The following FRY variants were observed in gnomAD, a reference collection of about 807,000 sequenced individuals.
The protein encoded by FRY is protein furry homolog.
FRY carries 128 observed loss-of-function variants against 348.4 expected under a neutral mutation model. The observed-to-expected ratio is 0.37, with a 90% CI of 0.32 to 0.43. The LOEUF (loss-of-function observed/expected upper bound fraction) is 0.43, where lower values mean the gene tolerates loss of function less well. Among genes scored for constraint, FRY ranks in the 20% least tolerant of loss-of-function variants. The pLI is 1.00. For missense variants in FRY, 2,736 were observed against 3,695.2 expected, an observed-to-expected ratio of 0.74 and a Z score of 6.73; for synonymous variants, 1,370 against 1,374.7, an observed-to-expected ratio of 1.00 and a Z score of 0.08.
At chr13:32,118,920 G>T (rs1490734666) in intron 4 of FRY, among the ~76,000 whole-genome samples, 4 of 152,110 alleles carry the variant, frequency 2.6e-5, no homozygotes, top group Non-Finnish European at 4.4e-5. Context: ...CAGGGGCAGG[G>T]AGTGGGACAG....
At position 32,239,495 on chromosome 13, in the gene FRY, G is replaced by A. The variant is rs1886391227; in HGVS notation, c.6516+146G>A. The A allele has an allele frequency of 7.0e-6, 5 of 718,072 alleles. No homozygotes were observed. Among genetic ancestry groups the A allele is most frequent in the Non-Finnish European group, 1.3e-5 (5 of 396,262 alleles). The allele number at this position is 718,072 out of a possible 1,614,324, so 44.5% of individuals were successfully genotyped here. A position where few individuals can be genotyped will look rare whatever the true frequency, so the allele number is the denominator to read the frequency against. ...AATATCACAGTAATGGAAATATAGGGGTGGCTGATGCAAATTGTCTTGCTT... is the reference window on the plus strand; with the variant it reads ...AATATCACAGTAATGGAAATATAGGAGTGGCTGATGCAAATTGTCTTGCTT... On this transcript the variant is annotated intron_variant, in intron 45 of 60. Transcript: ENST00000542859. This position sits in a 1 kb window ranked among gnomAD's most constrained non-coding sequence, Gnocchi z 4.3.
intron 2 of FRY, among the ~76,000 whole-genome samples, chr13:32,085,432 T>G (rs1355505332): frequency 1.3e-5 from 2 of 152,200 alleles, no homozygotes; most frequent in African/African-American, 2.4e-5. Context: ...ACAAAAGAGA[T>G]AAAGTTAAAG....
chr13:32,097,363 T>C (rs1462529078), intron 2 of FRY, among the ~76,000 whole-genome samples: 1 of 40,414 alleles, frequency 2.5e-5, no homozygotes, highest in Admixed American at 2.0e-4. Flanking sequence ...CTTTTTTTCC[T>C]TTTTTTTTTT....
intron 1 of FRY, among the ~76,000 whole-genome samples, chr13:32,050,340 G>A (rs891005017): frequency 1.3e-5 from 2 of 152,086 alleles, no homozygotes; most frequent in African/African-American, 4.8e-5. Context: ...AGAAAACAAA[G>A]GCATCATGAA....
chr13:32,160,276 C>G (rs1881364565), intron 16 of FRY, among the ~76,000 whole-genome samples: 2 of 152,042 alleles, frequency 1.3e-5, no homozygotes, highest in Admixed American at 1.3e-4. Flanking sequence ...TAATTTGGTA[C>G]TGATTCTATA....
At chr13:32,146,181 ATTT>A (rs11364929) in intron 11 of FRY, among the ~76,000 whole-genome samples, 51,677 of 146,888 alleles carry the variant, frequency 0.35, 9,070 homozygotes, top group East Asian at 0.48. Flanking sequence ...CCCTCCCACC[ATTT>A]TTTTTTTTTT....
At chr13:32,234,951 A>T (rs1432374217) in intron 42 of FRY, among the ~76,000 whole-genome samples, 190 bp downstream of exon 42, 1 of 152,180 alleles carries the variant, frequency 6.6e-6, no homozygotes, top group African/African-American at 2.4e-5. Context: ...TGTTCTAGAA[A>T]TTCAGTGGAT....
chr13:32,062,281 T>C (rs1047284012), intron 1 of FRY, among the ~76,000 whole-genome samples: 4 of 152,166 alleles, frequency 2.6e-5, no homozygotes, highest in South Asian at 2.1e-4. Context: ...ATAGGACTCA[T>C]ATGAAATGCT....
chr13:32,231,390 G>T, intron 41 of FRY, 90 bp downstream of exon 41: 1 of 1,295,440 alleles, frequency 7.7e-7, no homozygotes. Context: ...CCTTAAAACG[G>T]TCCTGCACTC....
chr13:32,263,815 T>G (rs535230213), intron 53 of FRY, among the ~76,000 whole-genome samples: 1 of 152,292 alleles, frequency 6.6e-6, no homozygotes, highest in East Asian at 1.9e-4. Context: ...AAGACCAGCC[T>G]GGCCAAGATG....
At chr13:32,097,656 C>T (rs986289974) in intron 2 of FRY, among the ~76,000 whole-genome samples, 3 of 152,002 alleles carry the variant, frequency 2.0e-5, no homozygotes, top group Non-Finnish European at 2.9e-5. Context: ...CCACCGTGCC[C>T]GGCCCAGAAC....
intron 58 of FRY, chr13:32,287,811 C>T (rs761514030): frequency 4.5e-6 from 5 of 1,119,060 alleles, no homozygotes; most frequent in Non-Finnish European, 6.2e-6. Context: ...CATGCAGACA[C>T]TGACCCTGTA....
chr13:32,076,010 G>A (rs1371185605), intron 1 of FRY, among the ~76,000 whole-genome samples: 1 of 152,208 alleles, frequency 6.6e-6, no homozygotes, highest in African/African-American at 2.4e-5. Context: ...TGAAGTTCAG[G>A]TGAATAATAT....
chr13:32,235,301 T>A (rs77277807), intron 42 of FRY, among the ~76,000 whole-genome samples: 2,823 of 152,334 alleles, frequency 0.019, 83 homozygotes, highest in African/African-American at 0.056. Context: ...TTACAAGCTC[T>A]CTGGCTCCGG....
intron 2 of FRY, among the ~76,000 whole-genome samples, chr13:32,097,359 T>C (rs1038440870): frequency 7.1e-6 from 1 of 141,300 alleles, no homozygotes; most frequent in Admixed American, 7.3e-5. Flanking sequence ...GAACCTTTTT[T>C]TCCTTTTTTT....
chr13:32,185,099 C>G lies in FRY; in HGVS notation c.3270C>G (p.Ile1090Met). 1 of 1,613,960 alleles carries G rather than the reference C, an allele frequency of 6.2e-7. No homozygotes were observed. The highest frequency in any genetic ancestry group is 2.2e-5 in the East Asian group (1 of 44,872). ...NDKEVEILKD[I>M]RAHFSAMVAN... Reference sequence around the variant, plus strand: ...AAGAAGTTGAAATTCTTAAAGATATCCGGGCACATTTTAGTGCAATGGTGG... The same window carrying G: ...AAGAAGTTGAAATTCTTAAAGATATGCGGGCACATTTTAGTGCAATGGTGG... The change falls in exon 26 of 61, where the codon ATC becomes ATG. Residue 1090 changes from isoleucine to methionine, a missense_variant. Physicochemically the swap from Ile to Met is conservative, Grantham distance 10. Around this residue, in one of 9 missense-constraint regions of FRY, gnomAD observed 449 missense variants for 576.9 expected, o/e 0.78. Transcript: ENST00000542859.
At chr13:32,161,363 G>T (rs1189883869) in intron 17 of FRY, 112 bp downstream of exon 17, 1 of 817,620 alleles carries the variant, frequency 1.2e-6, no homozygotes, top group Non-Finnish European at 2.1e-6. Context: ...ATGAGGTACT[G>T]GGTATGGGCA....
At chr13:32,183,274 T>C (rs1232580438) in intron 24 of FRY, among the ~76,000 whole-genome samples, 1 of 152,244 alleles carries the variant, frequency 6.6e-6, no homozygotes. Flanking sequence ...ATACTCATGT[T>C]TGTCAACTAT....
Position 32,298,188 on chromosome 13 carries a change from C to G in FRY, c.*2728C>G, listed in dbSNP as rs919824722. ...TCCAGAGTTAGGTCTCAAGGCTCTTCTGGTTCTAAGTCCTAACAAACAATG... is the reference window on the plus strand; with the variant it reads ...TCCAGAGTTAGGTCTCAAGGCTCTTGTGGTTCTAAGTCCTAACAAACAATG... On this transcript the variant is annotated 3_prime_UTR_variant, in exon 61 of 61. Coordinates refer to ENST00000542859, the MANE Select transcript of FRY (RefSeq NM_023037.3). 1 of 152,230 alleles carries G rather than the reference C, an allele frequency of 6.6e-6. No homozygotes were observed. Among genetic ancestry groups the G allele is most frequent in the Non-Finnish European group, 1.5e-5 (1 of 68,040 alleles). 9.4% of individuals were successfully genotyped at this position (152,230 alleles called of 1,614,324 possible).
Sources: gnomAD v4.1 joint callset for allele counts (sites outside exome capture counted in the v4.1 genomes callset) on GRCh38, gnomAD v4.1.1 for gene constraint, gnomAD v4.1.1 regional missense constraint, Gnocchi (gnomAD v3.1) non-coding constraint, MANE v1.5 for transcripts, NCBI Gene and HGNC (gene_info 2026-07-23, HGNC 2026-07-21) for gene names.